The following DMD variants were observed in gnomAD, a reference collection of about 807,000 sequenced individuals.
The protein encoded by DMD is mutant dystrophin.
A neutral mutation model predicts 330.1 loss-of-function variants in DMD; 63 were observed. The observed-to-expected ratio is 0.19, with a 90% confidence interval of 0.16 to 0.24. The LOEUF (loss-of-function observed/expected upper bound fraction) is 0.24, where lower values mean the gene tolerates loss of function less well. Ranked by LOEUF, DMD falls within the 10% of genes least tolerant of loss-of-function variation. DMD has a pLI of 1.00. For synonymous variants in DMD, 1,223 were observed against 959.8 expected, an observed-to-expected ratio of 1.27 and a Z score of -5.07; for missense variants, 3,344 against 2,684.1, an observed-to-expected ratio of 1.25 and a Z score of -5.43.
At chrX:32,233,727 G>C (rs1316780392) in intron 43 of DMD, among the ~76,000 whole-genome samples, 1 of 108,609 alleles carries the variant, frequency 9.2e-6, no homozygotes, top group Non-Finnish European at 1.9e-5. Flanking sequence ...ATGCCTCCAG[G>C]GTGGAAGAGA....
At chrX:32,461,735 C>T (rs777885414) in intron 25 of DMD, among the ~76,000 whole-genome samples, 165 of 108,751 alleles carry the variant, frequency 1.5e-3, no homozygotes, top group Non-Finnish European at 2.0e-3. Flanking sequence ...GAACATTCAA[C>T]AAACAAAAAA....
chrX:31,559,892 T>C lies in DMD; in HGVS notation c.8218-52439A>G, dbSNP rs985633219. Among the ~76,000 whole-genome samples, 11 of 111,408 alleles carry C rather than the reference T, an allele frequency of 9.9e-5. 1 individual carries two copies. Among genetic ancestry groups the C allele is most frequent in the African/African-American group, 2.6e-4 (8 of 30,699 alleles). On this transcript the variant is annotated intron_variant, in intron 55 of 78. Coordinates refer to ENST00000357033, the MANE Select transcript of DMD (RefSeq NM_004006.3). ...CTTACTTGCTGAAAACTCCAAGAAA[T>C]AGTGTTCACACCTAGCTTTTTCAGC...
chrX:33,228,095 A>C (rs2052322509), intron 1 of DMD, among the ~76,000 whole-genome samples: 1 of 111,501 alleles, frequency 9.0e-6, no homozygotes, highest in African/African-American at 3.2e-5. Context: ...TTAGTGCTTA[A>C]AGTATATTCT....
chrX:32,152,406 G>GTGT (rs1349753460), intron 44 of DMD, among the ~76,000 whole-genome samples: 1 of 111,484 alleles, frequency 9.0e-6, no homozygotes, highest in East Asian at 2.8e-4. Context: ...TCGGATCATA[G>GTGT]TGTTGGACAG....
chrX:31,761,368 T>C (rs1207142847), intron 51 of DMD, among the ~76,000 whole-genome samples: 1 of 110,736 alleles, frequency 9.0e-6, no homozygotes, highest in Non-Finnish European at 1.9e-5. Flanking sequence ...ATATTGGGGT[T>C]TGTGACAAAA....
At chrX:31,202,517 G>A (rs771219930) in intron 67 of DMD, among the ~76,000 whole-genome samples, 117 of 92,358 alleles carry the variant, frequency 1.3e-3, no homozygotes, top group Non-Finnish European at 2.1e-3. Flanking sequence ...TATTATGTGT[G>A]CATCCGGTAA....
chrX:31,162,264 C>A (rs1350164795), intron 74 of DMD, among the ~76,000 whole-genome samples: 1 of 98,483 alleles, frequency 1.0e-5, no homozygotes, highest in African/African-American at 3.7e-5. Flanking sequence ...TGGAAAGTAG[C>A]TAAAGAAACT....
chrX:32,800,331 T>G (rs1469583502), intron 7 of DMD, among the ~76,000 whole-genome samples: 1 of 111,676 alleles, frequency 9.0e-6, no homozygotes, highest in Non-Finnish European at 1.9e-5. Flanking sequence ...CTTCAAGAGA[T>G]GGTGTTCTGT....
chrX:32,181,593 C>A (rs1024710274), intron 44 of DMD, among the ~76,000 whole-genome samples: 1 of 111,475 alleles, frequency 9.0e-6, no homozygotes, highest in South Asian at 3.7e-4. Flanking sequence ...TGGTTTATTA[C>A]TTAACCTAAA....
At chrX:32,532,675 C>T (rs1350007919) in intron 17 of DMD, among the ~76,000 whole-genome samples, 1 of 112,367 alleles carries the variant, frequency 8.9e-6, no homozygotes, top group African/African-American at 3.2e-5. Context: ...TAATATCTTC[C>T]ATGATCCTTT....
intron 53 of DMD, among the ~76,000 whole-genome samples, chrX:31,661,340 A>AC: frequency 9.2e-6 from 1 of 108,553 alleles, no homozygotes; most frequent in East Asian, 2.8e-4. Context: ...ATATAAACAC[A>AC]AAGGTTCTCA....
chrX:32,853,428 A>G (rs900730583), intron 2 of DMD, among the ~76,000 whole-genome samples: 2 of 111,861 alleles, frequency 1.8e-5, no homozygotes, highest in Admixed American at 9.5e-5. Context: ...AATGAGATAT[A>G]AACAAACAAC....
At chrX:33,063,058 T>G (rs2094601432) in intron 1 of DMD, among the ~76,000 whole-genome samples, 1 of 112,048 alleles carries the variant, frequency 8.9e-6, no homozygotes, top group Admixed American at 9.5e-5. Flanking sequence ...AATTTCTACT[T>G]AATAGAATAT....
At chrX:31,185,115 A>C (rs1007313710) in intron 67 of DMD, among the ~76,000 whole-genome samples, 1 of 110,624 alleles carries the variant, frequency 9.0e-6, no homozygotes, top group Non-Finnish European at 1.9e-5. Flanking sequence ...AAAGTATAAT[A>C]AAAATAAAAT....
chrX:31,275,159 G>T (rs1483892049), intron 62 of DMD, among the ~76,000 whole-genome samples: 1 of 15,410 alleles, frequency 6.5e-5, no homozygotes, highest in African/African-American at 3.0e-4. Context: ...CAGGTTTTGT[G>T]TGTGTGTGTG....
chrX:31,893,789 A>G (rs915083592), intron 47 of DMD, among the ~76,000 whole-genome samples: 4 of 111,382 alleles, frequency 3.6e-5, no homozygotes, highest in African/African-American at 9.8e-5. Context: ...TTTGGAAGTC[A>G]GGCAACCTGA....
At chrX:32,920,021 TTTTG>T (rs1263364261) in intron 2 of DMD, among the ~76,000 whole-genome samples, 3 of 111,438 alleles carry the variant, frequency 2.7e-5, no homozygotes, top group Admixed American at 9.6e-5. Context: ...AAACTTAACA[TTTTG>T]TTTATTGATG....
In DMD at chrX:32,408,243, C is replaced by A. The variant is rs566749173; in HGVS notation, c.4233+3509G>T. On this transcript the variant is annotated intron_variant, in intron 30 of 78. Transcript: ENST00000357033. ...TTTTCTAAAAGTGTAAGCTTTGCTT[C>A]TGTAGGTAAGCTCATGTCACTAAAA... 2.1e-4 allele frequency among the ~76,000 whole-genome samples: 23 copies of A among 111,836 alleles called. No individual in the cohort carries two copies. The South Asian group carries it at 8.6e-3, about 42-fold the overall frequency.
At chrX:32,573,458 A>G (rs1224717527) in intron 15 of DMD, 72 bp downstream of exon 15, 2 of 818,834 alleles carry the variant, frequency 2.4e-6, no homozygotes, top group African/African-American at 4.1e-5. Context: ...ATAGCATAGA[A>G]GAGACTAAAT....
Sources: gnomAD v4.1 joint callset for allele counts (sites outside exome capture counted in the v4.1 genomes callset) on GRCh38, gnomAD v4.1.1 for gene constraint, MANE v1.5 for transcripts, NCBI Gene and HGNC (gene_info 2026-07-23, HGNC 2026-07-21) for gene names.